GPC5: variants seen among roughly 807,000 people sequenced by gnomAD.
GPC5 encodes the protein glypican 5, also known as glypican-5.
Under a neutral mutation model 53.9 loss-of-function variants are expected in GPC5, and 47 were observed. That is an observed-to-expected ratio of 0.87 (90% CI 0.69 to 1.11). GPC5 has a LOEUF of 1.11. Ranked by LOEUF, GPC5 falls within the 50% of genes most tolerant of loss-of-function variation. The pLI is 0.00. For synonymous variants in GPC5, 286 were observed against 263.3 expected (o/e 1.09, Z -0.84); for missense variants, 748 against 713.1 (o/e 1.05, Z -0.56).
chr13:91,745,348 T>A (rs2037025660), intron 4 of GPC5, among the ~76,000 whole-genome samples: 1 of 152,138 alleles, frequency 6.6e-6, no homozygotes, highest in African/African-American at 2.4e-5. Flanking sequence ...TAGATGGCTA[T>A]GAATTTCCAG....
intron 3 of GPC5, among the ~76,000 whole-genome samples, chr13:91,695,142 T>G (rs114346750): frequency 0.029 from 4,457 of 152,236 alleles, 111 homozygotes; most frequent in African/African-American, 0.058. Context: ...AACTCCCTGC[T>G]TCATTCAGCT....
At chr13:92,173,763 C>T (rs1015172070) in intron 7 of GPC5, among the ~76,000 whole-genome samples, 1 of 152,106 alleles carries the variant, frequency 6.6e-6, no homozygotes, top group Non-Finnish European at 1.5e-5. Flanking sequence ...AATCAATATA[C>T]TTTTATTATT....
intron 7 of GPC5, among the ~76,000 whole-genome samples, chr13:92,631,783 C>T (rs1394109383): frequency 2.0e-5 from 3 of 152,162 alleles, no homozygotes; most frequent in African/African-American, 7.2e-5. Flanking sequence ...GCAAAATTCT[C>T]ACCTAACCTC....
At chr13:91,648,358 GT>G (rs35289946) in intron 2 of GPC5, among the ~76,000 whole-genome samples, 84 of 148,754 alleles carry the variant, frequency 5.6e-4, no homozygotes, top group Admixed American at 1.4e-3. Context: ...ATTAAGACAG[GT>G]TTTTTTTTTC....
intron 7 of GPC5, among the ~76,000 whole-genome samples, chr13:92,341,554 CA>C (rs1187521408): frequency 1.3e-5 from 2 of 151,916 alleles, no homozygotes; most frequent in African/African-American, 4.8e-5. Context: ...AAATTTTCTT[CA>C]AAAATATATT....
rs149092125 is a variant in GPC5 at position 91,482,839 on chromosome 13, G to A, written c.325+33917G>A. Among the ~76,000 whole-genome samples, 378 of 150,900 alleles carry A rather than the reference G, an allele frequency of 2.5e-3. 3 individuals carry two copies. The highest frequency in any genetic ancestry group is 8.8e-3 in the African/African-American group (361 of 41,008). On this transcript the variant is annotated intron_variant, in intron 2 of 7. Coordinates refer to ENST00000377067, the MANE Select transcript of GPC5 (RefSeq NM_004466.6). ...TTTAGGTTACTGACAGTTGCTTTTC[G>A]TGACTCTTGCATATGAGAATGCAGG...
At chr13:92,836,338 C>T (rs947677224) in intron 7 of GPC5, among the ~76,000 whole-genome samples, 1 of 151,932 alleles carries the variant, frequency 6.6e-6, no homozygotes, top group Non-Finnish European at 1.5e-5. Flanking sequence ...AAATATTATG[C>T]AAGATTAGGA....
chr13:91,683,188 A>C (rs1006784154), intron 2 of GPC5, among the ~76,000 whole-genome samples: 3 of 152,150 alleles, frequency 2.0e-5, no homozygotes, highest in Admixed American at 1.3e-4. Flanking sequence ...CGCAGAAGAC[A>C]ATGTGAGATT....
intron 7 of GPC5, among the ~76,000 whole-genome samples, chr13:92,751,747 A>C (rs1289312840): frequency 7.2e-5 from 5 of 69,604 alleles, no homozygotes; most frequent in Non-Finnish European, 1.2e-4. Context: ...AAAGTATAAA[A>C]AAAAATAAAA....
intron 7 of GPC5, among the ~76,000 whole-genome samples, chr13:92,560,444 T>C (rs998221649): frequency 1.4e-4 from 22 of 152,018 alleles, no homozygotes; most frequent in Non-Finnish European, 2.9e-5. Flanking sequence ...AACAAGCAGA[T>C]AAACCAGAAA....
chr13:91,744,234 GTAACTA>G (rs952290255), intron 4 of GPC5, among the ~76,000 whole-genome samples: 1 of 151,984 alleles, frequency 6.6e-6, no homozygotes, highest in African/African-American at 2.4e-5. Context: ...TTAAGTAAAG[GTAACTA>G]TACATTAATT....
At chr13:92,144,251 G>A (rs527293355) in intron 6 of GPC5, among the ~76,000 whole-genome samples, 1 of 152,278 alleles carries the variant, frequency 6.6e-6, no homozygotes, top group Non-Finnish European at 1.5e-5. Flanking sequence ...TAAATGATTT[G>A]TAGAAATGGA....
At chr13:91,829,503 T>C (rs1004556734) in intron 5 of GPC5, among the ~76,000 whole-genome samples, 1 of 152,082 alleles carries the variant, frequency 6.6e-6, no homozygotes, top group African/African-American at 2.4e-5. Context: ...AATATGAAAA[T>C]TTCCTTGTTC....
chr13:92,286,418 A>G (rs1360386696), intron 7 of GPC5, among the ~76,000 whole-genome samples: 1 of 152,194 alleles, frequency 6.6e-6, no homozygotes, highest in African/African-American at 2.4e-5. Context: ...TCATGCTGCT[A>G]TAAAGACACA....
At chr13:92,530,214 A>G (rs1448004575) in intron 7 of GPC5, among the ~76,000 whole-genome samples, 1 of 3,610 alleles carries the variant, frequency 2.8e-4, no homozygotes, top group Admixed American at 0.01. Context: ...GAGCTATTAT[A>G]TAATAAACAC....
intron 6 of GPC5, among the ~76,000 whole-genome samples, chr13:91,992,901 A>T (rs1326691531): frequency 6.6e-6 from 1 of 152,198 alleles, no homozygotes; most frequent in African/African-American, 2.4e-5. Flanking sequence ...TGTTTCATTC[A>T]TGGTCACATG....
At chr13:92,682,908 T>C (rs1315983126) in intron 7 of GPC5, among the ~76,000 whole-genome samples, 1 of 152,144 alleles carries the variant, frequency 6.6e-6, no homozygotes, top group African/African-American at 2.4e-5. Flanking sequence ...AATACTGAAA[T>C]GCAAGACAAA....
chr13:92,370,135 A>G (rs1184162370), intron 7 of GPC5, among the ~76,000 whole-genome samples: 1 of 152,246 alleles, frequency 6.6e-6, no homozygotes, highest in Non-Finnish European at 1.5e-5. Flanking sequence ...AATAGGAAAT[A>G]TCTTGATGAA....
At chr13:91,980,238 G>A (rs969157174) in intron 6 of GPC5, among the ~76,000 whole-genome samples, 1 of 152,128 alleles carries the variant, frequency 6.6e-6, no homozygotes, top group Non-Finnish European at 1.5e-5. Context: ...ATAAGAATTA[G>A]TGCATATGGT....
Sources: gnomAD v4.1 joint callset for allele counts (sites outside exome capture counted in the v4.1 genomes callset) on GRCh38, gnomAD v4.1.1 for gene constraint, MANE v1.5 for transcripts, NCBI Gene and HGNC (gene_info 2026-07-23, HGNC 2026-07-21) for gene names.